The following PDCD11 variants were observed in gnomAD, a reference collection of about 807,000 sequenced individuals.
The protein encoded by PDCD11 is protein RRP5 homolog.
A neutral mutation model predicts 198.9 loss-of-function variants in PDCD11; 97 were observed. That is an observed-to-expected ratio of 0.49 (90% CI 0.41 to 0.58). The LOEUF is 0.58. Ranked by LOEUF, PDCD11 falls within the 20% of genes least tolerant of loss-of-function variation. PDCD11 has a pLI of 0.00. For missense variants in PDCD11, 2,102 were observed against 2,312.7 expected (o/e 0.91, Z 1.87); for synonymous variants, 893 against 918.0 (o/e 0.97, Z 0.49).
At position 103,413,099 on chromosome 10, in the gene PDCD11, C is replaced by T; in HGVS notation, c.979-17C>T. ...TGTGTGCCTCCTCCTGCTCACCCTGCCCTTCCTTTTGTCTAGGTGAGGGCC... is the reference window on the plus strand; with the variant it reads ...TGTGTGCCTCCTCCTGCTCACCCTGTCCTTCCTTTTGTCTAGGTGAGGGCC... On this transcript the variant is annotated splice_polypyrimidine_tract_variant and intron_variant, in intron 8 of 35. Coordinates refer to ENST00000369797, the MANE Select transcript of PDCD11 (RefSeq NM_014976.2). The T allele has an allele frequency of 1.2e-6, 2 of 1,608,976 alleles. No individual in the cohort carries two copies. The highest frequency in any genetic ancestry group is 1.7e-6 in the Non-Finnish European group (2 of 1,175,830).
intron 2 of PDCD11, among the ~76,000 whole-genome samples, chr10:103,399,051 T>A (rs1411314655): frequency 1.3e-5 from 2 of 151,886 alleles, no homozygotes; most frequent in Non-Finnish European, 2.9e-5. Context: ...GTGCTGTTCC[T>A]TGTTCTTAGA....
chr10:103,403,396 G>GT (rs1166852487), intron 4 of PDCD11, 111 bp downstream of exon 4: 18 of 992,200 alleles, frequency 1.8e-5, no homozygotes, highest in Admixed American at 2.7e-5. Context: ...TCCCGTGAGA[G>GT]TTTATCATAA....
intron 2 of PDCD11, chr10:103,399,500 G>A (rs376377184): frequency 6.6e-5 from 10 of 152,190 alleles, no homozygotes; most frequent in African/African-American, 2.2e-4. Flanking sequence ...ATGTTCCACT[G>A]TGTCTGACTG....
intron 9 of PDCD11, 37 bp downstream of exon 9, chr10:103,413,359 A>C: frequency 6.5e-7 from 1 of 1,531,078 alleles, no homozygotes; most frequent in Non-Finnish European, 9.0e-7. Flanking sequence ...GGATCTTATC[A>C]CTGGAAGGAC....
At chr10:103,434,559 G>GT in intron 24 of PDCD11, 1 of 595,460 alleles carries the variant, frequency 1.7e-6, no homozygotes, top group Non-Finnish European at 3.0e-6. Context: ...ACCTATACAG[G>GT]TTACCCTTAC....
chr10:103,442,829 A>G (rs1233995344), intron 32 of PDCD11, among the ~76,000 whole-genome samples: 1 of 152,214 alleles, frequency 6.6e-6, no homozygotes, highest in Non-Finnish European at 1.5e-5. Context: ...GAGGGAAGGC[A>G]GTCCTTTGCT....
At chr10:103,421,638 A>AG in intron 17 of PDCD11, 71 bp downstream of exon 17, 1 of 1,269,856 alleles carries the variant, frequency 7.9e-7, no homozygotes, top group Non-Finnish European at 1.1e-6. Flanking sequence ...ACCTGTTGTT[A>AG]GGTGAGTTGT....
intron 25 of PDCD11, among the ~76,000 whole-genome samples, chr10:103,437,276 G>A (rs575040586): frequency 9.2e-5 from 14 of 152,098 alleles, no homozygotes; most frequent in Admixed American, 7.9e-4. Context: ...CAAGTGGCTG[G>A]GACTACAGGT....
At chr10:103,415,483 C>T (rs1340178138) in intron 12 of PDCD11, among the ~76,000 whole-genome samples, 5 of 151,416 alleles carry the variant, frequency 3.3e-5, no homozygotes, top group Admixed American at 6.6e-5. Flanking sequence ...GCGACTGCCA[C>T]GAACAGGACT....
chr10:103,406,901 C>T (rs558626919), intron 7 of PDCD11, 111 bp downstream of exon 7: 13 of 806,474 alleles, frequency 1.6e-5, no homozygotes, highest in South Asian at 8.4e-5. Flanking sequence ...TAGTCACTTA[C>T]GCCCATTGAG....
rs547275789 is a variant in PDCD11, at chr10:103,419,723, A to C, written c.2277+15A>C. ...CCCCAAAAGCTGTAAGTTCAACTCC[A>C]TGTACAAGGGCTTTGAGGAGAGATA... is the stretch of plus-strand genomic sequence containing the variant. On this transcript the variant is annotated intron_variant, in intron 16 of 35. Coordinates refer to ENST00000369797, the MANE Select transcript of PDCD11 (RefSeq NM_014976.2). 1.5e-4 allele frequency: 236 copies of C among 1,612,490 alleles called. 3 individuals are homozygous for C. In the South Asian group the frequency reaches 2.5e-3, roughly 17 times the overall value.
chr10:103,433,957 G>A lies in PDCD11; in HGVS notation c.3484G>A (p.Val1162Met), dbSNP rs747568130. 3 of 1,612,794 alleles carry A rather than the reference G, an allele frequency of 1.9e-6. No homozygotes were observed. Among genetic ancestry groups the A allele is most frequent in the Admixed American group, 1.7e-5 (1 of 60,004 alleles). ...CCTTTTTTTCCCTCAGTACAATGTG[G>A]TGAAGAAATGGCTTGAGGTGGAGAT... ...VTCFLKKYNV[V>M]KKWLEVEIAP... Residue 1162 changes from valine to methionine, a missense_variant, in exon 23 of 36, where the codon GTG (valine) becomes ATG (methionine). Physicochemically the swap from Val to Met is conservative, Grantham distance 21. Transcript: ENST00000369797.
In PDCD11 at chr10:103,414,270, G is replaced by A; in HGVS notation, c.1311G>A (p.Thr437=). ...ATTCTGTGTTTTCTCCTTGTCCTAGGTCTATTATTGAAGCTCAGTACCTTA... is the reference window on the plus strand; with the variant it reads ...ATTCTGTGTTTTCTCCTTGTCCTAGATCTATTATTGAAGCTCAGTACCTTA... The part of the protein sequence containing the change: ...MDELALLSLR[T]SIIEAQYLRY... The change falls in exon 11 of 36, where the codon ACG becomes ACA. Residue 437 remains threonine, a splice_region_variant and synonymous_variant. Transcript: ENST00000369797. 6.2e-7 allele frequency: 1 copy of A among 1,613,362 alleles called. No homozygotes were observed. The highest frequency in any genetic ancestry group is 1.3e-5 in the African/African-American group (1 of 75,000).
chr10:103,409,907 C>T lies in PDCD11; in HGVS notation c.978+101C>T. On this transcript the variant is annotated intron_variant, in intron 8 of 35. Coordinates refer to ENST00000369797, the MANE Select transcript of PDCD11 (RefSeq NM_014976.2). Reference sequence around the variant, plus strand: ...GGGAGGTCCTAGGACTGCATGCATACAGGTGTGCAGAGAGGAGATGAGAGG... The same window carrying T: ...GGGAGGTCCTAGGACTGCATGCATATAGGTGTGCAGAGAGGAGATGAGAGG... 3.7e-6 allele frequency: 3 copies of T among 805,934 alleles called. No individual in the cohort carries two copies. The South Asian group carries it at 4.2e-5, about 11-fold the overall frequency. 49.9% of individuals were successfully genotyped at this position (805,934 alleles called of 1,614,324 possible).
At chr10:103,397,685 C>T (rs899471721) in intron 1 of PDCD11, among the ~76,000 whole-genome samples, 1 of 152,240 alleles carries the variant, frequency 6.6e-6, no homozygotes, top group African/African-American at 2.4e-5. Context: ...CCACGCGCCT[C>T]GGGCTCCCGA....
chr10:103,398,610 G>A, intron 2 of PDCD11, 82 bp downstream of exon 2: 1 of 931,178 alleles, frequency 1.1e-6, no homozygotes, highest in South Asian at 1.4e-5. Context: ...ATTTGAGAAT[G>A]TGTTATTTTT....
In PDCD11 at chr10:103,444,030, T is replaced by C. The variant is rs139295407; in HGVS notation, c.5240T>C (p.Val1747Ala). The C allele has an allele frequency of 6.2e-7, 1 of 1,612,500 alleles. No individual in the cohort carries two copies. The highest frequency in any genetic ancestry group is 1.3e-5 in the African/African-American group (1 of 74,886). Residue 1747 changes from valine to alanine, a missense_variant, in exon 34 of 36, where the codon GTG (valine) becomes GCG (alanine). Coordinates refer to ENST00000369797, the MANE Select transcript of PDCD11 (RefSeq NM_014976.2). ...AGCCAGGCTGCAGCCAGTCACCGCG[T>C]GCTGCAGCGAGCCCTGGAGTGCCTG... ...RRSQAAASHR[V>A]LQRALECLPS... is the part of the protein sequence containing the mutation.
chr10:103,406,164 A>G, intron 6 of PDCD11, 56 bp downstream of exon 6: 1 of 1,587,308 alleles, frequency 6.3e-7, no homozygotes, highest in Non-Finnish European at 8.6e-7. Context: ...TGTGGGGATT[A>G]TATTTAAGTG....
chr10:103,410,364 AT>A (rs59899748), intron 8 of PDCD11, among the ~76,000 whole-genome samples: 5 of 151,224 alleles, frequency 3.3e-5, no homozygotes, highest in South Asian at 2.1e-4. Context: ...ATATAGTTTG[AT>A]TTTTTTTTCC....
Sources: gnomAD v4.1 joint callset for allele counts (sites outside exome capture counted in the v4.1 genomes callset) on GRCh38, gnomAD v4.1.1 for gene constraint, MANE v1.5 for transcripts, NCBI Gene and HGNC (gene_info 2026-07-23, HGNC 2026-07-21) for gene names.